The following TMED8 variants were observed in gnomAD, a reference collection of about 807,000 sequenced individuals.
TMED8 encodes protein TMED8.
In TMED8, 15 loss-of-function variants were observed where a neutral mutation model predicts 32.7. The ratio of observed to expected loss-of-function variants is 0.46; its 90% confidence interval spans 0.31 to 0.71. TMED8 has a LOEUF of 0.71. Ranked by LOEUF, TMED8 falls within the 30% of genes least tolerant of loss-of-function variation. TMED8 has a pLI of 0.06. For synonymous variants in TMED8, 147 were observed against 161.4 expected, an observed-to-expected ratio of 0.91 and a Z score of 0.68; for missense variants, 390 against 423.9, an observed-to-expected ratio of 0.92 and a Z score of 0.70.
At chr14:77,342,174 C>A (rs1892919327) in intron 5 of TMED8, among the ~76,000 whole-genome samples, 186 bp from the exon 6 acceptor site, 1 of 152,028 alleles carries the variant, frequency 6.6e-6, no homozygotes, top group South Asian at 2.1e-4. Flanking sequence ...GCATTTAGTA[C>A]CCAAGGGTCC....
At chr14:77,362,319 G>T (rs1427119875) in intron 1 of TMED8, among the ~76,000 whole-genome samples, 1 of 151,988 alleles carries the variant, frequency 6.6e-6, no homozygotes, top group Non-Finnish European at 1.5e-5. Context: ...TTTCCACACT[G>T]ATTATGACAC....
rs958860993 is a variant in TMED8, at chr14:77,338,022, A to G, written c.*3749T>C. 1.3e-5 allele frequency: 2 copies of G among 152,146 alleles called. No homozygotes were observed. Among genetic ancestry groups the G allele is most frequent in the African/African-American group, 2.4e-5 (1 of 41,422 alleles). 9.4% of individuals were successfully genotyped at this position (152,146 alleles called of 1,614,324 possible). On this transcript the variant is annotated 3_prime_UTR_variant, in exon 6 of 6. Transcript: ENST00000216468. Reference sequence around the variant, plus strand: ...ACCTGAAAAACTAGTCCATGATGGGAAGACAGGGTGCCTCATATTATGGTC... The same window carrying G: ...ACCTGAAAAACTAGTCCATGATGGGGAGACAGGGTGCCTCATATTATGGTC...
chr14:77,372,887 A>C (rs2139640157), intron 1 of TMED8, among the ~76,000 whole-genome samples: 1 of 111,394 alleles, frequency 9.0e-6, no homozygotes, highest in Non-Finnish European at 1.8e-5. Flanking sequence ...ATTCATGCAC[A>C]TTGAAATAGC....
chr14:77,370,631 T>C (rs539229698), intron 1 of TMED8, among the ~76,000 whole-genome samples: 89 of 152,284 alleles, frequency 5.8e-4, no homozygotes, highest in African/African-American at 2.1e-3. Flanking sequence ...TCAAAAAGCA[T>C]ATAAGTATAC....
chr14:77,344,369 C>T (rs1330053100), intron 3 of TMED8, among the ~76,000 whole-genome samples: 3 of 152,208 alleles, frequency 2.0e-5, no homozygotes, highest in African/African-American at 4.8e-5. Context: ...CAGCCCACCT[C>T]GGGCTACAGA....
rs1192750937 is a variant in TMED8 at position 77,376,099 on chromosome 14, G to C, written c.118+837C>G. ...CCCTCTACCCTTTCGTATTTCAAAA[G>C]AGCATCCTTTCAGTTGCATCGTGTG... is the stretch of plus-strand genomic sequence containing the variant. On this transcript the variant is annotated intron_variant, in intron 1 of 5. Coordinates refer to ENST00000216468, the MANE Select transcript of TMED8 (RefSeq NM_213601.3). The surrounding 1 kb of genome is among the most constrained non-coding windows in gnomAD (Gnocchi z 4.0). Among the ~76,000 whole-genome samples the C allele has an allele frequency of 6.6e-6, 1 of 152,168 alleles. No homozygotes were observed. Among genetic ancestry groups the C allele is most frequent in the Non-Finnish European group, 1.5e-5 (1 of 68,034 alleles).
chr14:77,341,800 G>A lies in TMED8; in HGVS notation c.949C>T (p.Leu317Phe). 1 of 1,614,142 alleles carries A rather than the reference G, an allele frequency of 6.2e-7. No individual in the cohort carries two copies. The highest frequency in any genetic ancestry group is 8.5e-7 in the Non-Finnish European group (1 of 1,180,036). Residue 317 changes from leucine to phenylalanine, a missense_variant, in exon 6 of 6, where the codon CTC becomes TTC. Coordinates refer to ENST00000216468, the MANE Select transcript of TMED8 (RefSeq NM_213601.3). ...NSYSLLRNKTLYFHIYYTS is the reference protein window; with the variant it reads ...NSYSLLRNKTFYFHIYYTS The stretch of plus-strand genomic sequence containing the variant: ...CTGGTGTAGTAGATGTGGAAGTAGA[G>A]AGTCTTGTTGCGCAGCAGGGAGTAG...
At position 77,337,735 on chromosome 14, in the gene TMED8, T is replaced by C. The variant is rs917587305; in HGVS notation, c.*4036A>G. ...AAGACCACCTCCTGGGTAACCCATG[T>C]TGAATGAAACAGGTCTGCTAAAAAT... is the stretch of plus-strand genomic sequence containing the variant. On this transcript the variant is annotated 3_prime_UTR_variant, in exon 6 of 6. Transcript: ENST00000216468. The C allele has an allele frequency of 5.3e-5, 8 of 152,160 alleles. No homozygotes were observed. Among genetic ancestry groups the C allele is most frequent in the African/African-American group, 1.9e-4 (8 of 41,434 alleles). The allele number at this position is 152,160 out of a possible 1,614,324, so 9.4% of individuals were successfully genotyped here.
intron 1 of TMED8, among the ~76,000 whole-genome samples, chr14:77,366,707 T>C (rs1172360352): frequency 6.6e-6 from 1 of 152,208 alleles, no homozygotes; most frequent in East Asian, 1.9e-4. Flanking sequence ...TTACTATATG[T>C]CAATTATTTT....
chr14:77,363,291 T>C (rs2139629103), intron 1 of TMED8, among the ~76,000 whole-genome samples: 1 of 151,960 alleles, frequency 6.6e-6, no homozygotes, highest in Non-Finnish European at 1.5e-5. Flanking sequence ...AAACTAGAAA[T>C]CAGTAACAGA....
At chr14:77,352,275 A>G (rs1477307629) in intron 1 of TMED8, among the ~76,000 whole-genome samples, 1 of 152,124 alleles carries the variant, frequency 6.6e-6, no homozygotes, top group Non-Finnish European at 1.5e-5. Context: ...TTAGCCAGGC[A>G]TGATGGTGCA....
intron 1 of TMED8, among the ~76,000 whole-genome samples, chr14:77,357,199 C>A (rs1408318948): frequency 6.6e-6 from 1 of 152,084 alleles, no homozygotes; most frequent in Non-Finnish European, 1.5e-5. Context: ...TTTGTTCTTG[C>A]AAGAATATTC....
chr14:77,369,457 G>A (rs972955082), intron 1 of TMED8, among the ~76,000 whole-genome samples: 1 of 152,204 alleles, frequency 6.6e-6, no homozygotes, highest in Admixed American at 6.5e-5. Context: ...TACTTTTAGG[G>A]CATGGCCTTT....
chr14:77,370,594 G>C (rs573427916), intron 1 of TMED8, among the ~76,000 whole-genome samples: 13 of 152,088 alleles, frequency 8.5e-5, no homozygotes, highest in Non-Finnish European at 1.3e-4. Context: ...AACTATTTCT[G>C]AATAATTTAT....
intron 3 of TMED8, among the ~76,000 whole-genome samples, chr14:77,346,101 T>C (rs1893025066): frequency 6.6e-6 from 1 of 151,926 alleles, no homozygotes; most frequent in South Asian, 2.1e-4. Context: ...AGAGAACACA[T>C]GAACATTCAC....
At chr14:77,342,011 T>C (rs1156719412) in intron 5 of TMED8, 23 bp from the exon 6 acceptor site, 2 of 1,611,022 alleles carry the variant, frequency 1.2e-6, no homozygotes, top group Non-Finnish European at 1.7e-6. Context: ...AATGGCAAAG[T>C]GTTCAGAGAC....
intron 1 of TMED8, among the ~76,000 whole-genome samples, chr14:77,367,461 C>T (rs565805653): frequency 1.3e-5 from 2 of 152,056 alleles, no homozygotes; most frequent in Admixed American, 1.3e-4. Context: ...ACCACTATCC[C>T]AACTATGGAC....
At chr14:77,346,760 G>GTTTTTTTT in intron 2 of TMED8, among the ~76,000 whole-genome samples, 19 of 69,450 alleles carry the variant, frequency 2.7e-4, no homozygotes, top group East Asian at 1.3e-3. Context: ...TGCTGGTCTG[G>GTTTTTTTT]TTTTTTTTTT....
chr14:77,362,136 T>C (rs1202558817), intron 1 of TMED8, among the ~76,000 whole-genome samples: 1 of 152,158 alleles, frequency 6.6e-6, no homozygotes, highest in African/African-American at 2.4e-5. Flanking sequence ...GTTATTTACA[T>C]ATAAGATCAT....
Sources: gnomAD v4.1 joint callset for allele counts (sites outside exome capture counted in the v4.1 genomes callset) on GRCh38, gnomAD v4.1.1 for gene constraint, Gnocchi (gnomAD v3.1) non-coding constraint, MANE v1.5 for transcripts, NCBI Gene and HGNC (gene_info 2026-07-23, HGNC 2026-07-21) for gene names.